DNMBP: variants seen among roughly 807,000 people sequenced by gnomAD.
DNMBP encodes dynamin binding protein.
A neutral mutation model predicts 150.0 loss-of-function variants in DNMBP; 87 were observed. The observed-to-expected ratio is 0.58, with a 90% CI of 0.49 to 0.69. The LOEUF is 0.69. Among genes scored for constraint, DNMBP ranks in the 30% least tolerant of loss-of-function variants. DNMBP has a pLI of 0.00. For synonymous variants in DNMBP, 711 were observed against 750.4 expected, an observed-to-expected ratio of 0.95 and a Z score of 0.86; for missense variants, 1,774 against 1,949.0, an observed-to-expected ratio of 0.91 and a Z score of 1.69.
At chr10:99,944,522 T>G (rs2040336456) in intron 4 of DNMBP, among the ~76,000 whole-genome samples, 1 of 152,220 alleles carries the variant, frequency 6.6e-6, no homozygotes, top group Non-Finnish European at 1.5e-5. Flanking sequence ...GTGCTTGAGA[T>G]CTGAACCTTA....
At chr10:99,887,034 T>C (rs2039477773) in intron 12 of DNMBP, among the ~76,000 whole-genome samples, 1 of 152,126 alleles carries the variant, frequency 6.6e-6, no homozygotes, top group African/African-American at 2.4e-5. Flanking sequence ...GTTACATAAA[T>C]CTGAGGTGGA....
intron 4 of DNMBP, among the ~76,000 whole-genome samples, chr10:99,924,746 A>G (rs2040059519): frequency 6.6e-6 from 1 of 152,244 alleles, no homozygotes; most frequent in South Asian, 2.1e-4. Flanking sequence ...CTGTTGGAAC[A>G]GATATCATGT....
At chr10:99,901,629 T>C (rs960772558) in intron 6 of DNMBP, among the ~76,000 whole-genome samples, 6 of 152,180 alleles carry the variant, frequency 3.9e-5, no homozygotes, top group African/African-American at 7.2e-5. Flanking sequence ...TGCGGGTCCC[T>C]GGCTTACTAT....
chr10:99,995,620 A>T (rs2040942836), intron 1 of DNMBP, among the ~76,000 whole-genome samples: 1 of 152,206 alleles, frequency 6.6e-6, no homozygotes, highest in South Asian at 2.1e-4. Context: ...GGGGCATTTC[A>T]TGGGGTGAGC....
chr10:99,909,259 AC>A, intron 4 of DNMBP, 113 bp from the exon 5 acceptor site: 1 of 789,866 alleles, frequency 1.3e-6, no homozygotes, highest in Non-Finnish European at 2.0e-6. Context: ...ACTATTGTCA[AC>A]CCTCAGGAAA....
chr10:100,005,150 A>T (rs960507242), intron 1 of DNMBP, among the ~76,000 whole-genome samples: 1 of 152,194 alleles, frequency 6.6e-6, no homozygotes, highest in Non-Finnish European at 1.5e-5. Context: ...AAATATTAAT[A>T]CTTCCAGAGG....
intron 9 of DNMBP, 36 bp downstream of exon 9, chr10:99,898,050 G>A (rs1462547922): frequency 2.6e-6 from 4 of 1,561,810 alleles, no homozygotes; most frequent in Non-Finnish European, 2.6e-6. Flanking sequence ...ATTCTCAAAG[G>A]GCATACCTCC....
At chr10:99,943,211 G>T (rs1485963599) in intron 4 of DNMBP, among the ~76,000 whole-genome samples, 1 of 151,946 alleles carries the variant, frequency 6.6e-6, no homozygotes, top group African/African-American at 2.4e-5. Flanking sequence ...CTTGAACCCG[G>T]GAGGCAGAGG....
intron 11 of DNMBP, among the ~76,000 whole-genome samples, chr10:99,891,504 G>A (rs2039559635): frequency 6.6e-6 from 1 of 152,036 alleles, no homozygotes; most frequent in Admixed American, 6.5e-5. Flanking sequence ...GAGTGCAGTG[G>A]CGTGATCTCG....
At chr10:99,885,198 C>T (rs180711446) in intron 14 of DNMBP, among the ~76,000 whole-genome samples, 225 of 152,104 alleles carry the variant, frequency 1.5e-3, no homozygotes, top group Middle Eastern at 3.4e-3. Context: ...TGAATTAATA[C>T]TGGGTTAATC....
chr10:99,892,060 C>T (rs190427937), intron 11 of DNMBP, among the ~76,000 whole-genome samples: 2,361 of 123,476 alleles, frequency 0.019, 218 homozygotes, highest in African/African-American at 0.066. Flanking sequence ...GTCAGCTCCC[C>T]GCCCGGCCAG....
intron 1 of DNMBP, among the ~76,000 whole-genome samples, chr10:99,999,503 G>T (rs996804886): frequency 1.3e-5 from 2 of 152,208 alleles, no homozygotes; most frequent in East Asian, 3.9e-4. Flanking sequence ...CCTTATCCGC[G>T]GTTTCACTTT....
At chr10:99,977,803 T>G (rs1031770981) in intron 1 of DNMBP, among the ~76,000 whole-genome samples, 2 of 152,200 alleles carry the variant, frequency 1.3e-5, no homozygotes, top group African/African-American at 4.8e-5. Flanking sequence ...ATCCAACCTG[T>G]CACAATATAT....
rs186096030 is a variant in DNMBP, at chr10:99,880,827, C to T, written c.3998-466G>A. Among the ~76,000 whole-genome samples the T allele has an allele frequency of 1.3e-4, 20 of 152,308 alleles. No homozygotes were observed. In the East Asian group the frequency reaches 2.7e-3, roughly 21 times the overall value. On this transcript the variant is annotated intron_variant, in intron 15 of 16. Transcript: ENST00000324109. The stretch of plus-strand genomic sequence containing the variant: ...GTTAAGAACCAGCCTCGGCAGCGCA[C>T]GGGAGCTCACGCCTGTAATCCTAGC...
chr10:99,972,197 A>G (rs1452201554), intron 1 of DNMBP, 63 bp from the exon 2 acceptor site: 3 of 1,396,072 alleles, frequency 2.1e-6, no homozygotes, highest in Non-Finnish European at 2.9e-6. Context: ...ATATAGATCT[A>G]TTTCTTGGAA....
intron 4 of DNMBP, among the ~76,000 whole-genome samples, chr10:99,936,881 C>G (rs2133297638): frequency 6.6e-6 from 1 of 151,704 alleles, no homozygotes; most frequent in South Asian, 2.1e-4. Flanking sequence ...AAATGAAACT[C>G]TAGATTGTCA....
chr10:99,962,625 C>T (rs576250893), intron 3 of DNMBP, among the ~76,000 whole-genome samples: 28 of 149,648 alleles, frequency 1.9e-4, no homozygotes, highest in Admixed American at 5.3e-4. Flanking sequence ...AGCGAGACTC[C>T]GTCTCAAAAA....
intron 1 of DNMBP, among the ~76,000 whole-genome samples, chr10:100,006,685 C>A (rs1208549860): frequency 6.6e-6 from 1 of 152,030 alleles, no homozygotes; most frequent in Non-Finnish European, 1.5e-5. Context: ...TGCCACCTCC[C>A]CCCAACCCAC....
intron 3 of DNMBP, among the ~76,000 whole-genome samples, chr10:99,959,885 T>C (rs890240962): frequency 6.6e-6 from 1 of 151,384 alleles, no homozygotes; most frequent in Non-Finnish European, 1.5e-5. Flanking sequence ...AAACAAATCT[T>C]TAGTAAAGGG....
Sources: allele counts gnomAD v4.1 joint callset (sites outside exome capture counted in the v4.1 genomes callset), GRCh38; gene constraint gnomAD v4.1.1; transcripts MANE v1.5; gene names NCBI Gene and HGNC (gene_info 2026-07-23, HGNC 2026-07-21).